Variants in RBM19 observed in about 807,000 individuals in gnomAD.
RBM19 encodes the protein RNA binding motif protein 19, also known as probable RNA-binding protein 19.
RBM19 carries 94 observed loss-of-function variants against 116.8 expected under a neutral mutation model. The observed-to-expected ratio is 0.80, with a 90% CI of 0.68 to 0.95. The LOEUF is 0.95. RBM19 is among the 40% of genes least tolerant of loss of function. The probability of loss-of-function intolerance (pLI) is 0.00; values close to 1 mark genes in which losing one functional copy is unlikely to be tolerated. For missense variants in RBM19, 1,161 were observed against 1,220.7 expected (o/e 0.95, Z 0.73); for synonymous variants, 475 against 494.1 (o/e 0.96, Z 0.51).
At chr12:113,913,846 G>A (rs531141570) in intron 21 of RBM19, among the ~76,000 whole-genome samples, 201 of 152,296 alleles carry the variant, frequency 1.3e-3, no homozygotes, top group Non-Finnish European at 2.3e-3. Context: ...CAGGTCCCCC[G>A]AGCAGTCCTG....
intron 22 of RBM19, among the ~76,000 whole-genome samples, chr12:113,856,655 C>T (rs776394453): frequency 3.1e-4 from 47 of 152,308 alleles, no homozygotes; most frequent in East Asian, 9.6e-4. Flanking sequence ...TTAAGGTTGA[C>T]ATCACAAGAG....
chr12:113,849,861 C>T (rs1317992723), intron 22 of RBM19, among the ~76,000 whole-genome samples: 1 of 152,222 alleles, frequency 6.6e-6, no homozygotes. Context: ...GCCAACTCTG[C>T]ACAGTGTGAC....
intron 18 of RBM19, among the ~76,000 whole-genome samples, chr12:113,923,175 C>T (rs1212979796): frequency 6.6e-6 from 1 of 152,102 alleles, no homozygotes; most frequent in Non-Finnish European, 1.5e-5. Flanking sequence ...AGGGTGGGCC[C>T]TAAATCCAAT....
At chr12:113,927,363 G>A (rs1869181874) in intron 16 of RBM19, 134 bp from the exon 17 acceptor site, 1 of 1,086,986 alleles carries the variant, frequency 9.2e-7, no homozygotes, top group African/African-American at 1.6e-5. Flanking sequence ...GGCAGTGGCA[G>A]GAAGGGGCAC....
rs754647364 is a variant in RBM19 at position 113,947,472 on chromosome 12, CAGG to C, written c.1277-11_1277-9del. ...GGAGCTCAGACAGGGGACCTGAGGA[CAGG>C]AGAAGTGTCGGTCTCTGGTAGGCCG... On this transcript the variant is annotated splice_polypyrimidine_tract_variant and intron_variant, in intron 10 of 23. Transcript: ENST00000261741. 6.9e-6 allele frequency: 11 copies of C among 1,589,556 alleles called. No homozygotes were observed. The highest frequency in any genetic ancestry group is 2.2e-5 in the South Asian group (2 of 89,722).
At chr12:113,964,033 A>T (rs1341123288) in intron 1 of RBM19, among the ~76,000 whole-genome samples, 1 of 152,238 alleles carries the variant, frequency 6.6e-6, no homozygotes, top group East Asian at 1.9e-4. Context: ...CATGTCAGTG[A>T]TGCACCTTGC....
chr12:113,959,171 C>G, intron 5 of RBM19, 41 bp downstream of exon 5: 2 of 1,576,108 alleles, frequency 1.3e-6, no homozygotes, highest in East Asian at 2.3e-5. Flanking sequence ...ATGGCAAGCA[C>G]AGGTCCGTGC....
At chr12:113,941,101 T>A (rs1298009069) in intron 14 of RBM19, among the ~76,000 whole-genome samples, 1 of 152,234 alleles carries the variant, frequency 6.6e-6, no homozygotes, top group Non-Finnish European at 1.5e-5. Flanking sequence ...TAATGTAACC[T>A]GAGACCTTGG....
chr12:113,855,041 T>C (rs2162292), intron 22 of RBM19, among the ~76,000 whole-genome samples: 1 of 152,234 alleles, frequency 6.6e-6, no homozygotes, highest in African/African-American at 2.4e-5. Context: ...TTTGGGGGTA[T>C]GTGTGCTGAA....
At chr12:113,938,605 G>A (rs567056037) in intron 15 of RBM19, among the ~76,000 whole-genome samples, 12 of 152,296 alleles carry the variant, frequency 7.9e-5, no homozygotes, top group African/African-American at 9.6e-5. Flanking sequence ...ACCTGTGAAC[G>A]CGCCCTTATT....
chr12:113,850,632 C>A (rs950211452), intron 22 of RBM19, among the ~76,000 whole-genome samples: 6 of 152,250 alleles, frequency 3.9e-5, no homozygotes, highest in African/African-American at 1.4e-4. Context: ...CTCCTCTCAG[C>A]AACAAAAGGC....
At chr12:113,834,569 A>C (rs936713335) in intron 23 of RBM19, among the ~76,000 whole-genome samples, 1 of 152,218 alleles carries the variant, frequency 6.6e-6, no homozygotes, top group Non-Finnish European at 1.5e-5. Flanking sequence ...CAGGGGAAGA[A>C]AGTAGCCCTA....
intron 21 of RBM19, among the ~76,000 whole-genome samples, chr12:113,912,152 G>A (rs902118411): frequency 6.6e-6 from 1 of 152,316 alleles, no homozygotes; most frequent in African/African-American, 2.4e-5. Context: ...AGGGCCCCAG[G>A]CACTGCTGCC....
intron 1 of RBM19, among the ~76,000 whole-genome samples, chr12:113,963,954 G>T (rs969297362): frequency 6.6e-6 from 1 of 152,184 alleles, no homozygotes; most frequent in African/African-American, 2.4e-5. Context: ...TATTCCAGGA[G>T]GCCTTTCTTA....
At chr12:113,834,823 G>A (rs891023762) in intron 23 of RBM19, among the ~76,000 whole-genome samples, 16 of 152,162 alleles carry the variant, frequency 1.1e-4, no homozygotes, top group African/African-American at 3.9e-4. Context: ...GGAACTAACT[G>A]CTCTGGGTCT....
intron 15 of RBM19, among the ~76,000 whole-genome samples, chr12:113,939,535 G>A (rs2135904471): frequency 1.3e-5 from 2 of 152,022 alleles, no homozygotes; most frequent in South Asian, 4.1e-4. Context: ...GGATCACGAG[G>A]TCAGGAGATC....
intron 22 of RBM19, among the ~76,000 whole-genome samples, chr12:113,852,137 C>A (rs1011418745): frequency 6.6e-6 from 1 of 152,100 alleles, no homozygotes; most frequent in Admixed American, 6.5e-5. Flanking sequence ...ATGACTAGTA[C>A]GGCCTGCCTG....
At chr12:113,876,195 G>A (rs1879658773) in intron 21 of RBM19, among the ~76,000 whole-genome samples, 1 of 152,196 alleles carries the variant, frequency 6.6e-6, no homozygotes, top group Non-Finnish European at 1.5e-5. Flanking sequence ...CTATATCTGG[G>A]TGGGGGGCTG....
At chr12:113,864,153 C>G (rs1878633699) in intron 21 of RBM19, among the ~76,000 whole-genome samples, 1 of 152,160 alleles carries the variant, frequency 6.6e-6, no homozygotes, top group African/African-American at 2.4e-5. Flanking sequence ...CTTAGCTAGG[C>G]TCAAAGTAGG....
Sources: gnomAD v4.1 joint callset for allele counts (sites outside exome capture counted in the v4.1 genomes callset) on GRCh38, gnomAD v4.1.1 for gene constraint, MANE v1.5 for transcripts, NCBI Gene and HGNC (gene_info 2026-07-23, HGNC 2026-07-21) for gene names.